Variants in GRIP1 observed in about 807,000 individuals in gnomAD.
GRIP1 encodes glutamate receptor interacting protein 1, also known as glutamate receptor-interacting protein 1.
In GRIP1, 45 loss-of-function variants were observed where a neutral mutation model predicts 129.9. The observed-to-expected ratio is 0.35, with a 90% CI of 0.27 to 0.44. GRIP1 has a LOEUF of 0.44. Ranked by LOEUF, GRIP1 falls within the 20% of genes least tolerant of loss-of-function variation. The pLI, the probability that GRIP1 is intolerant of heterozygous loss-of-function variation, is 1.00. For synonymous variants in GRIP1, 530 were observed against 520.8 expected, an observed-to-expected ratio of 1.02 and a Z score of -0.24; for missense variants, 1,196 against 1,396.8, an observed-to-expected ratio of 0.86 and a Z score of 2.29.
Position 66,981,410 on chromosome 12 carries a change from G to T in GRIP1, c.58+87640C>A, listed in dbSNP as rs1483329112. ...TTCCTTGGTTCCTTGCATAAAGCAA[G>T]TGCTCAAAATATATTTTTGAAAGAA... On this transcript the variant is annotated intron_variant, in intron 1 of 1. Coordinates refer to the GRIP1 transcript ENST00000643019. Among the ~76,000 whole-genome samples, 3 of 152,260 alleles carry T rather than the reference G, an allele frequency of 2.0e-5. No homozygotes were observed. In the East Asian group the frequency reaches 5.8e-4, roughly 29 times the overall value.
intron 11 of GRIP1, among the ~76,000 whole-genome samples, chr12:66,452,243 C>A (rs879639670): frequency 6.6e-6 from 1 of 152,102 alleles, no homozygotes; most frequent in Admixed American, 6.5e-5. Flanking sequence ...GCCTCTTTGG[C>A]AGAAAAAGAG....
At position 66,979,222 on chromosome 12, in the gene GRIP1, T is replaced by TAAAAAAAAAAAAAAA. The variant is rs35306665; in HGVS notation, c.58+89813_58+89827dup. ...CCCCAAGCCACAAAACTTCTCTTCT[T>TAAAAAAAAAAAAAAA]AAAAAAAAAAAAAAAAAAAAAAAAA... is the stretch of plus-strand genomic sequence containing the variant. On this transcript the variant is annotated intron_variant, in intron 1 of 1. Transcript: ENST00000643019. Among the ~76,000 whole-genome samples, 60 of 41,442 alleles carry TAAAAAAAAAAAAAAA rather than the reference T, an allele frequency of 1.4e-3. 6 individuals carry two copies. Among genetic ancestry groups the TAAAAAAAAAAAAAAA allele is most frequent in the Admixed American group, 6.0e-3 (14 of 2,334 alleles). 27.2% of individuals were successfully genotyped at this position (41,442 alleles called of 152,430 possible). A position where few individuals can be genotyped will look rare whatever the true frequency, so the allele number is the denominator to read the frequency against.
intron 1 of GRIP1, among the ~76,000 whole-genome samples, chr12:66,672,709 C>T (rs1330539866): frequency 6.6e-6 from 1 of 151,990 alleles, no homozygotes; most frequent in African/African-American, 2.4e-5. Flanking sequence ...ATGTATTTTG[C>T]CTCCTCTCAA....
At chr12:67,015,304 T>C (rs1744094672) in intron 1 of GRIP1, among the ~76,000 whole-genome samples, 3 of 152,226 alleles carry the variant, frequency 2.0e-5, no homozygotes, top group Admixed American at 2.0e-4. Flanking sequence ...ATATAAATTC[T>C]TAGCAAGCTT....
At chr12:66,551,113 A>G (rs2062112436) in intron 2 of GRIP1, among the ~76,000 whole-genome samples, 1 of 152,222 alleles carries the variant, frequency 6.6e-6, no homozygotes. Flanking sequence ...GTTCCCTTAG[A>G]TAAGTTAACT....
intron 11 of GRIP1, among the ~76,000 whole-genome samples, chr12:66,454,566 A>T (rs1454357446): frequency 3.3e-5 from 5 of 152,192 alleles, no homozygotes; most frequent in Admixed American, 2.0e-4. Context: ...TGTAGGAGTG[A>T]TTTATATTTC....
upstream of GRIP1, among the ~76,000 whole-genome samples, chr12:66,808,630 C>T (rs573763002): frequency 3.3e-5 from 5 of 152,080 alleles, no homozygotes; most frequent in South Asian, 1.0e-3. Context: ...GAGCAAACAT[C>T]TAAAGTCAAG....
At chr12:67,047,939 CAT>C (rs1475222405) in intron 1 of GRIP1, among the ~76,000 whole-genome samples, 2 of 152,130 alleles carry the variant, frequency 1.3e-5, no homozygotes, top group Non-Finnish European at 2.9e-5. Flanking sequence ...TTTCTAATCA[CAT>C]AAGTAAAAAA....
chr12:66,586,567 A>C (rs2063646436), intron 2 of GRIP1, among the ~76,000 whole-genome samples: 1 of 151,854 alleles, frequency 6.6e-6, no homozygotes, highest in Non-Finnish European at 1.5e-5. Context: ...TCTCCACCTA[A>C]GCTCTCCTCT....
rs775927902 is a variant in GRIP1 at position 66,456,186 on chromosome 12, C to G, written c.1198+1G>C. On this transcript the variant is annotated splice_donor_variant, in intron 10 of 24. Coordinates refer to ENST00000359742, the MANE Select transcript of GRIP1 (RefSeq NM_001366722.1). LOFTEE classifies it high-confidence loss of function. The stretch of plus-strand genomic sequence containing the variant: ...CAGGAGGAGAAAGCATGGAACATTA[C>G]GAGGGCTGTTTGGAGGAGGTGCTTT... 26 of 1,286,168 alleles carry G rather than the reference C, an allele frequency of 2.0e-5. No individual in the cohort carries two copies. The Admixed American group carries it at 5.7e-4, about 28-fold the overall frequency. The allele number at this position is 1,286,168 out of a possible 1,614,324, so 79.7% of individuals were successfully genotyped here. A position where few individuals can be genotyped will look rare whatever the true frequency, so the allele number is the denominator to read the frequency against.
intron 1 of GRIP1, among the ~76,000 whole-genome samples, chr12:66,941,423 T>A (rs1382159866): frequency 6.6e-6 from 1 of 152,208 alleles, no homozygotes; most frequent in Non-Finnish European, 1.5e-5. Flanking sequence ...CTCACCCCTT[T>A]TATAAGGTCA....
intron 5 of GRIP1, among the ~76,000 whole-genome samples, chr12:66,521,701 G>C (rs2061010717): frequency 6.6e-6 from 1 of 152,220 alleles, no homozygotes; most frequent in African/African-American, 2.4e-5. Context: ...AGCAGGGTGA[G>C]GCAATGCCTC....
chr12:66,685,057 A>G (rs913050718), intron 1 of GRIP1, among the ~76,000 whole-genome samples: 1 of 151,878 alleles, frequency 6.6e-6, no homozygotes, highest in African/African-American at 2.4e-5. Context: ...CCTTTAAAAT[A>G]CCTCTTAATA....
intron 7 of GRIP1, among the ~76,000 whole-genome samples, chr12:66,474,973 T>C (rs898437399): frequency 1.3e-5 from 2 of 151,876 alleles, no homozygotes; most frequent in Non-Finnish European, 2.9e-5. Flanking sequence ...AATTCACACA[T>C]AACAATATTA....
chr12:66,539,083 G>A lies in GRIP1; in HGVS notation c.413C>T (p.Pro138Leu), dbSNP rs371210390. Residue 138 changes from proline (P) to leucine (L), a missense_variant, in exon 4 of 25, where the codon CCG (proline) becomes CTG (leucine). By Grantham distance (98) the Pro-to-Leu change is moderately conservative. Transcript: ENST00000359742. Reference protein sequence around the residue: ...VVLEVEYELPPVSVQGSSVIF... With the variant: ...VVLEVEYELPLVSVQGSSVIF... ...AGGGGGGCTACTGTACTTACAGACC[G>A]GTGGAAGCTCGTACTCTACTTCAAG... 48 of 1,613,542 alleles carry A rather than the reference G, an allele frequency of 3.0e-5. No individual in the cohort carries two copies. The African/African-American group carries it at 3.6e-4, about 12-fold the overall frequency.
At chr12:66,834,615 C>G (rs2039577822) in intron 1 of GRIP1, among the ~76,000 whole-genome samples, 1 of 152,168 alleles carries the variant, frequency 6.6e-6, no homozygotes, top group Non-Finnish European at 1.5e-5. Flanking sequence ...GCATCTGCTT[C>G]AAACGTACTT....
intron 1 of GRIP1, among the ~76,000 whole-genome samples, chr12:66,625,818 T>C (rs2029948163): frequency 6.6e-6 from 1 of 152,170 alleles, no homozygotes; most frequent in African/African-American, 2.4e-5. Context: ...AAAGAGTATA[T>C]AGAGACATTT....
At chr12:66,606,474 C>T (rs1034469037) in intron 1 of GRIP1, among the ~76,000 whole-genome samples, 1 of 152,004 alleles carries the variant, frequency 6.6e-6, no homozygotes, top group African/African-American at 2.4e-5. Flanking sequence ...TTCAGTCAAC[C>T]AGAAGCCTTT....
chr12:66,538,153 T>C (rs2061661476), intron 4 of GRIP1, among the ~76,000 whole-genome samples: 1 of 152,084 alleles, frequency 6.6e-6, no homozygotes, highest in South Asian at 2.1e-4. Flanking sequence ...CCTTAGTCAC[T>C]TTGCAGCCAT....
Sources: allele counts gnomAD v4.1 joint callset (sites outside exome capture counted in the v4.1 genomes callset), GRCh38; gene constraint gnomAD v4.1.1; transcripts MANE v1.5; gene names NCBI Gene and HGNC (gene_info 2026-07-23, HGNC 2026-07-21).